Variants in CAMTA1 observed in about 807,000 individuals in gnomAD.
CAMTA1 encodes the protein calmodulin-binding transcription activator 1.
CAMTA1 carries 27 observed loss-of-function variants against 170.9 expected under a neutral mutation model. The observed-to-expected ratio is 0.16, with a 90% CI of 0.12 to 0.22. CAMTA1 has a LOEUF of 0.22. Ranked by LOEUF, CAMTA1 falls within the 10% of genes least tolerant of loss-of-function variation. The pLI is 1.00. For missense variants in CAMTA1, 1,619 were observed against 2,217.2 expected, an observed-to-expected ratio of 0.73 and a Z score of 5.42; for synonymous variants, 833 against 891.5, an observed-to-expected ratio of 0.93 and a Z score of 1.17.
chr1:6,812,925 G>A (rs1198690287), intron 1 of CAMTA1, among the ~76,000 whole-genome samples: 1 of 152,132 alleles, frequency 6.6e-6, no homozygotes, highest in Non-Finnish European at 1.5e-5. Context: ...AACTCAATTT[G>A]AGAGCCTAAA....
rs865997459 is a variant in CAMTA1 at position 7,699,927 on chromosome 1, G to A, written c.2914+22194G>A. Among the ~76,000 whole-genome samples the A allele has an allele frequency of 2.0e-5, 3 of 152,254 alleles. No individual in the cohort carries two copies. The Middle Eastern group carries it at 0.01, about 518-fold the overall frequency. On this transcript the variant is annotated intron_variant, in intron 11 of 22. Coordinates refer to ENST00000303635, the MANE Select transcript of CAMTA1 (RefSeq NM_015215.4). ...AGTTCTCTTTATATTTGAGATACAAGTCCCTTATGAAATATGAGATTTGCA... is the reference window on the plus strand; with the variant it reads ...AGTTCTCTTTATATTTGAGATACAAATCCCTTATGAAATATGAGATTTGCA...
At chr1:7,614,192 G>A (rs1369864270) in intron 6 of CAMTA1, among the ~76,000 whole-genome samples, 1 of 152,080 alleles carries the variant, frequency 6.6e-6, no homozygotes. Flanking sequence ...CTCAGGCTGA[G>A]TCCAGGTCAG....
intron 6 of CAMTA1, among the ~76,000 whole-genome samples, chr1:7,542,958 G>A (rs530244804): frequency 4.0e-5 from 6 of 151,122 alleles, no homozygotes; most frequent in African/African-American, 9.7e-5. Context: ...TCCACTTCCC[G>A]CATTCACGCC....
Position 7,239,769 on chromosome 1 carries a change from G to A in CAMTA1, c.303-9722G>A, listed in dbSNP as rs374129751. ...ACAATAGAAGTTTACTTGGCTCATG[G>A]TTCTGGAGGCTGGGAAGTTCAGGAG... is the stretch of plus-strand genomic sequence containing the variant. On this transcript the variant is annotated intron_variant, in intron 4 of 22. Transcript: ENST00000303635. Among the ~76,000 whole-genome samples the A allele has an allele frequency of 2.1e-4, 31 of 151,152 alleles. 1 individual carries two copies. The highest frequency in any genetic ancestry group is 7.3e-4 in the African/African-American group (30 of 41,120).
intron 3 of CAMTA1, among the ~76,000 whole-genome samples, chr1:6,846,245 T>C (rs1472584110): frequency 6.6e-6 from 1 of 152,270 alleles, no homozygotes; most frequent in East Asian, 1.9e-4. Context: ...TCTTTACTTA[T>C]ACTTAAAAGT....
intron 4 of CAMTA1, among the ~76,000 whole-genome samples, chr1:7,202,896 A>G (rs1656971695): frequency 6.6e-6 from 1 of 152,218 alleles, no homozygotes; most frequent in Non-Finnish European, 1.5e-5. Context: ...TACCCTGGCT[A>G]GAACTTCCAG....
At chr1:7,498,267 C>T (rs544616657) in intron 6 of CAMTA1, among the ~76,000 whole-genome samples, 15 of 133,680 alleles carry the variant, frequency 1.1e-4, no homozygotes, top group East Asian at 2.6e-4. Context: ...TATGAGAGAG[C>T]GTGTGTGAGT....
At chr1:6,928,992 G>A (rs1406951679) in intron 3 of CAMTA1, among the ~76,000 whole-genome samples, 2 of 152,150 alleles carry the variant, frequency 1.3e-5, no homozygotes, top group Non-Finnish European at 2.9e-5. Context: ...GGCTTCCGCA[G>A]GACAGTGCTG....
intron 9 of CAMTA1, among the ~76,000 whole-genome samples, chr1:7,668,669 C>T (rs1331065780): frequency 2.0e-5 from 3 of 152,144 alleles, no homozygotes; most frequent in African/African-American, 7.2e-5. Flanking sequence ...GCCAGGCGGG[C>T]TGTTGCCATG....
At chr1:6,839,183 C>A (rs78240565) in intron 3 of CAMTA1, among the ~76,000 whole-genome samples, 12,307 of 151,830 alleles carry the variant, frequency 0.081, 721 homozygotes, top group East Asian at 0.26. Context: ...GAGATCGATA[C>A]CATCCTGGCT....
intron 5 of CAMTA1, among the ~76,000 whole-genome samples, chr1:7,410,409 C>A (rs763164): frequency 2.6e-5 from 4 of 152,148 alleles, no homozygotes; most frequent in Admixed American, 2.0e-4. Flanking sequence ...CCCCTCCCGC[C>A]TGTCGTCAGG....
In CAMTA1 at chr1:6,887,638, C is replaced by T. The variant is rs776564748; in HGVS notation, c.234+62428C>T. The T allele has an allele frequency of 1.7e-5, 26 of 1,534,696 alleles. No individual in the cohort carries two copies. Among genetic ancestry groups the T allele is most frequent in the Non-Finnish European group, 2.0e-5 (23 of 1,146,384 alleles). On this transcript the variant is annotated intron_variant, in intron 3 of 22. Transcript: ENST00000303635. The surrounding 1 kb of genome is among the most constrained non-coding windows in gnomAD (Gnocchi z 4.1). ...GAAGCGACGGTTTTGACCCATTTTA[C>T]ACCTATTTATTTCAGGCTCTCACCA...
At chr1:7,601,220 C>G (rs1405298872) in intron 6 of CAMTA1, among the ~76,000 whole-genome samples, 1 of 151,484 alleles carries the variant, frequency 6.6e-6, no homozygotes, top group Non-Finnish European at 1.5e-5. Flanking sequence ...CCTCACTTCC[C>G]AGACGGGGTG....
At chr1:7,158,495 C>A (rs922878125) in intron 4 of CAMTA1, among the ~76,000 whole-genome samples, 11 of 152,170 alleles carry the variant, frequency 7.2e-5, no homozygotes, top group Non-Finnish European at 1.3e-4. Flanking sequence ...ATGCATTTCA[C>A]TCTGTAAAAT....
At chr1:6,838,245 C>A (rs1654095118) in intron 3 of CAMTA1, among the ~76,000 whole-genome samples, 1 of 152,204 alleles carries the variant, frequency 6.6e-6, no homozygotes, top group Admixed American at 6.5e-5. Context: ...GGAGCTACCC[C>A]AGAAAAGCTT....
intron 6 of CAMTA1, among the ~76,000 whole-genome samples, chr1:7,627,549 T>C (rs2148827706): frequency 6.6e-6 from 1 of 152,326 alleles, no homozygotes; most frequent in Non-Finnish European, 1.5e-5. Flanking sequence ...GGCACTACTG[T>C]TCTCTCCATT....
chr1:6,926,429 CTT>C (rs1269732258), intron 3 of CAMTA1, among the ~76,000 whole-genome samples: 1 of 135,752 alleles, frequency 7.4e-6, no homozygotes, highest in Admixed American at 7.5e-5. Context: ...TTTTCTCTTT[CTT>C]TCTTTTCTCT....
chr1:7,508,734 G>T (rs1468108673), intron 6 of CAMTA1, among the ~76,000 whole-genome samples: 1 of 148,544 alleles, frequency 6.7e-6, no homozygotes, highest in Non-Finnish European at 1.5e-5. Context: ...TGGAGGGAGG[G>T]AAGGGAGGGA....
intron 6 of CAMTA1, among the ~76,000 whole-genome samples, chr1:7,552,224 G>A (rs11120970): frequency 0.6 from 91,281 of 152,108 alleles, 27,884 homozygotes; most frequent in South Asian, 0.68. Flanking sequence ...AGCTCTGGAG[G>A]CAAGGGAACG....
Sources: gnomAD v4.1 joint callset for allele counts (sites outside exome capture counted in the v4.1 genomes callset) on GRCh38, gnomAD v4.1.1 for gene constraint, Gnocchi (gnomAD v3.1) non-coding constraint, MANE v1.5 for transcripts, NCBI Gene and HGNC (gene_info 2026-07-23, HGNC 2026-07-21) for gene names.